The following PIP4K2A variants were observed in gnomAD, a reference collection of about 807,000 sequenced individuals.
PIP4K2A encodes phosphatidylinositol 5-phosphate 4-kinase type-2 alpha.
In PIP4K2A, 14 loss-of-function variants were observed where a neutral mutation model predicts 42.9. The ratio of observed to expected loss-of-function variants is 0.33; its 90% CI spans 0.22 to 0.51. The LOEUF is 0.51. Ranked by LOEUF, PIP4K2A falls within the 20% of genes least tolerant of loss-of-function variation. The pLI is 0.97. For synonymous variants in PIP4K2A, 192 were observed against 192.2 expected (o/e 1.00, Z 0.01); for missense variants, 434 against 519.8 (o/e 0.83, Z 1.61).
chr10:22,541,478 T>C (rs900247307), intron 8 of PIP4K2A, among the ~76,000 whole-genome samples: 2 of 152,230 alleles, frequency 1.3e-5, no homozygotes, highest in Non-Finnish European at 2.9e-5. Context: ...CATATGTACA[T>C]GCATGTTGTG....
At chr10:22,600,685 G>A (rs2130835706) in intron 3 of PIP4K2A, among the ~76,000 whole-genome samples, 1 of 152,290 alleles carries the variant, frequency 6.6e-6, no homozygotes, top group South Asian at 2.1e-4. Context: ...GGAGACAGGA[G>A]CAACTTGTCT....
At chr10:22,582,230 A>G (rs1441018224) in intron 4 of PIP4K2A, among the ~76,000 whole-genome samples, 2 of 152,144 alleles carry the variant, frequency 1.3e-5, no homozygotes, top group African/African-American at 4.8e-5. Context: ...TAATGCAATG[A>G]TAAATTAGAG....
chr10:22,606,346 G>A, intron 3 of PIP4K2A, among the ~76,000 whole-genome samples: 1 of 152,042 alleles, frequency 6.6e-6, no homozygotes, highest in East Asian at 1.9e-4. Context: ...AGGAGTGTTG[G>A]CTCCCACGCA....
intron 1 of PIP4K2A, among the ~76,000 whole-genome samples, chr10:22,625,251 A>C (rs575032966): frequency 1.2e-4 from 18 of 152,362 alleles, no homozygotes; most frequent in African/African-American, 4.1e-4. Context: ...TTAAAAAATC[A>C]CTATTAAAAC....
intron 6 of PIP4K2A, 89 bp downstream of exon 6, chr10:22,567,762 G>A (rs929532058): frequency 1.8e-6 from 2 of 1,086,696 alleles, no homozygotes; most frequent in Non-Finnish European, 2.9e-6. Flanking sequence ...CAATAGCAGG[G>A]GTGGGAGACT....
rs779485845 is a variant in PIP4K2A at position 22,550,716 on chromosome 10, A to T, written c.735T>A (p.Ile245=). The change falls in exon 7 of 10, where the codon ATT becomes ATA. Residue 245 remains isoleucine (I), a synonymous_variant. Coordinates refer to ENST00000376573, the MANE Select transcript of PIP4K2A (RefSeq NM_005028.5). ...DNDFINEGQK[I]YIDDNNKKVF... Reference sequence around the variant, plus strand: ...CCTTCTTGTTGTTGTCATCAATATAAATCTTTTGGCCCTCATTAATGAAAT... The same window carrying T: ...CCTTCTTGTTGTTGTCATCAATATATATCTTTTGGCCCTCATTAATGAAAT... The T allele has an allele frequency of 6.2e-7, 1 of 1,609,446 alleles. No homozygotes were observed. Among genetic ancestry groups the T allele is most frequent in the South Asian group, 1.1e-5 (1 of 90,986 alleles).
intron 3 of PIP4K2A, 112 bp from the exon 4 acceptor site, chr10:22,591,893 G>A: frequency 1.1e-6 from 1 of 906,700 alleles, no homozygotes. Context: ...AAAAACATTT[G>A]TGTGTGGGAT....
At position 22,550,882 on chromosome 10, in the gene PIP4K2A, C is replaced by G; in HGVS notation, c.679-110G>C. On this transcript the variant is annotated intron_variant, in intron 6 of 9. Transcript: ENST00000376573. The stretch of plus-strand genomic sequence containing the variant: ...AGTTTGCCCCTTTCACCGCCCCCAC[C>G]CCGTTCACCACCACAGGGGTCTTAC... 5.7e-6 allele frequency: 4 copies of G among 705,574 alleles called. No individual in the cohort carries two copies. In the South Asian group the frequency reaches 6.5e-5, roughly 11 times the overall value. The allele number at this position is 705,574 out of a possible 1,614,324, so 43.7% of individuals were successfully genotyped here.
At chr10:22,702,764 T>C (rs1833738198) in intron 1 of PIP4K2A, among the ~76,000 whole-genome samples, 1 of 152,184 alleles carries the variant, frequency 6.6e-6, no homozygotes, top group African/African-American at 2.4e-5. Flanking sequence ...GGAGGCCTCA[T>C]GGTATACCAC....
intron 1 of PIP4K2A, among the ~76,000 whole-genome samples, chr10:22,687,440 G>A (rs779818120): frequency 6.6e-6 from 1 of 152,084 alleles, no homozygotes; most frequent in Non-Finnish European, 1.5e-5. Context: ...CAAGTTTAGA[G>A]GTCTAATGTA....
intron 3 of PIP4K2A, among the ~76,000 whole-genome samples, chr10:22,592,578 G>A (rs1026357514): frequency 2.6e-5 from 4 of 152,182 alleles, no homozygotes; most frequent in African/African-American, 9.6e-5. Flanking sequence ...GCTCTGAGTA[G>A]GGGCTCTGCT....
intron 1 of PIP4K2A, among the ~76,000 whole-genome samples, chr10:22,668,807 T>G (rs540455435): frequency 6.6e-6 from 1 of 152,172 alleles, no homozygotes; most frequent in African/African-American, 2.4e-5. Flanking sequence ...ATAAGAAACA[T>G]GTACTTCTCT....
intron 1 of PIP4K2A, among the ~76,000 whole-genome samples, chr10:22,646,672 G>C (rs111445761): frequency 8.5e-4 from 130 of 152,298 alleles, no homozygotes; most frequent in Middle Eastern, 6.8e-3. Flanking sequence ...TTTGTAACTT[G>C]GGAGGGACAC....
chr10:22,611,575 T>C (rs772343589), intron 1 of PIP4K2A, among the ~76,000 whole-genome samples: 2 of 152,106 alleles, frequency 1.3e-5, no homozygotes, highest in African/African-American at 2.4e-5. Flanking sequence ...AGAGGAATGA[T>C]AGTGACAGCT....
intron 4 of PIP4K2A, among the ~76,000 whole-genome samples, chr10:22,590,408 T>C (rs1837484592): frequency 6.6e-6 from 1 of 152,230 alleles, no homozygotes. Context: ...ATACCATGGA[T>C]GTTATCTTGA....
chr10:22,554,347 C>G (rs2130766465), intron 6 of PIP4K2A, among the ~76,000 whole-genome samples: 1 of 152,284 alleles, frequency 6.6e-6, no homozygotes, highest in Admixed American at 6.5e-5. Flanking sequence ...TGGTGTAAAA[C>G]TGCCTACAAA....
chr10:22,540,992 C>T (rs1836093793), intron 8 of PIP4K2A, among the ~76,000 whole-genome samples: 1 of 152,194 alleles, frequency 6.6e-6, no homozygotes, highest in Non-Finnish European at 1.5e-5. Context: ...GCTGATATGC[C>T]ATTTGAGATT....
At chr10:22,539,910 AGG>A (rs60673133) in intron 9 of PIP4K2A, 59 bp downstream of exon 9, 14,706 of 100,698 alleles carry the variant, frequency 0.15, 421 homozygotes, top group Admixed American at 0.19. Context: ...AGAGAGAGAG[AGG>A]GAGAGAGAGA....
In PIP4K2A at chr10:22,593,035, C is replaced by T. The variant is rs554251683; in HGVS notation, c.340-1254G>A. ...AGAGTGCCTTTCTGTCTAGTATATT[C>T]CAGTCTCTTTATCCTTTCCTTCCTT... On this transcript the variant is annotated intron_variant, in intron 3 of 9. Transcript: ENST00000376573. 2.6e-5 allele frequency among the ~76,000 whole-genome samples: 4 copies of T among 152,340 alleles called. No homozygotes were observed. The East Asian group carries it at 7.7e-4, about 29-fold the overall frequency.
Sources: allele counts gnomAD v4.1 joint callset (sites outside exome capture counted in the v4.1 genomes callset), GRCh38; gene constraint gnomAD v4.1.1; transcripts MANE v1.5; gene names NCBI Gene and HGNC (gene_info 2026-07-23, HGNC 2026-07-21).